DOCK4: variants seen among roughly 807,000 people sequenced by gnomAD.
DOCK4 encodes dedicator of cytokinesis protein 4.
DOCK4 carries 97 observed loss-of-function variants against 268.1 expected under a neutral mutation model. The ratio of observed to expected loss-of-function variants is 0.36; its 90% CI spans 0.31 to 0.43. The LOEUF (loss-of-function observed/expected upper bound fraction) is 0.43, where lower values mean the gene tolerates loss of function less well. Ranked by LOEUF, DOCK4 falls within the 20% of genes least tolerant of loss-of-function variation. The pLI, the probability that DOCK4 is intolerant of heterozygous loss-of-function variation, is 1.00. For missense variants in DOCK4, 2,145 were observed against 2,455.7 expected, an observed-to-expected ratio of 0.87 and a Z score of 2.67; for synonymous variants, 954 against 887.2, an observed-to-expected ratio of 1.08 and a Z score of -1.34.
intron 27 of DOCK4, chr7:111,819,250 A>G (rs895172303): frequency 4.0e-4 from 61 of 152,174 alleles, no homozygotes; most frequent in African/African-American, 1.4e-3. Context: ...ATATGTATAA[A>G]GCTGTGACTT....
intron 5 of DOCK4, among the ~76,000 whole-genome samples, chr7:111,991,552 C>CTTTT (rs1799525154): frequency 6.6e-6 from 1 of 152,114 alleles, no homozygotes; most frequent in African/African-American, 2.4e-5. Context: ...AAGCGATGAG[C>CTTTT]TTTTATTTGC....
At chr7:111,797,062 T>C (rs1799945650) in intron 30 of DOCK4, among the ~76,000 whole-genome samples, 1 of 152,192 alleles carries the variant, frequency 6.6e-6, no homozygotes, top group African/African-American at 2.4e-5. Flanking sequence ...TCTAAATGGG[T>C]AATAAATTAT....
intron 35 of DOCK4, among the ~76,000 whole-genome samples, chr7:111,780,922 G>A (rs911938726): frequency 1.3e-5 from 2 of 152,032 alleles, no homozygotes; most frequent in African/African-American, 4.8e-5. Context: ...AAATTTTCTA[G>A]AAGGACTATT....
chr7:112,182,269 C>T (rs1236126166), intron 1 of DOCK4, among the ~76,000 whole-genome samples: 6 of 152,110 alleles, frequency 3.9e-5, no homozygotes, highest in Non-Finnish European at 8.8e-5. Flanking sequence ...TTTTCATATA[C>T]AATTTTTCAA....
At chr7:111,884,942 T>C (rs1169684673) in intron 16 of DOCK4, among the ~76,000 whole-genome samples, 1 of 152,212 alleles carries the variant, frequency 6.6e-6, no homozygotes, top group East Asian at 1.9e-4. Flanking sequence ...AGTTTCCTAA[T>C]ACTAGAACCA....
At chr7:111,834,796 CGATGATCCAAACTTGCCCT>C in intron 25 of DOCK4, 110 bp from the exon 26 acceptor site, 2 of 692,762 alleles carry the variant, frequency 2.9e-6, no homozygotes, top group Non-Finnish European at 4.4e-6. Flanking sequence ...AATGAAATCA[CGATGATCCAAACTTGCCCT>C]GTGAAGTCTT....
chr7:111,989,301 C>A (rs1237820285), intron 5 of DOCK4, 138 bp from the exon 6 acceptor site: 12 of 1,136,370 alleles, frequency 1.1e-5, no homozygotes, highest in South Asian at 3.0e-5. Context: ...CGTGAACAGA[C>A]AAACTGTTCG....
chr7:112,173,187 C>T (rs530394820), intron 1 of DOCK4, among the ~76,000 whole-genome samples: 1 of 152,260 alleles, frequency 6.6e-6, no homozygotes, highest in African/African-American at 2.4e-5. Context: ...GACATTTTAT[C>T]CAAACACCAG....
chr7:111,769,407 A>G (rs1338758858), intron 37 of DOCK4, 122 bp downstream of exon 37: 15 of 1,232,544 alleles, frequency 1.2e-5, no homozygotes, highest in Non-Finnish European at 1.7e-5. Flanking sequence ...TGTTTCTAAT[A>G]TACATTAAGA....
At chr7:111,932,441 T>C (rs1256787411) in intron 12 of DOCK4, among the ~76,000 whole-genome samples, 1 of 152,162 alleles carries the variant, frequency 6.6e-6, no homozygotes, top group Non-Finnish European at 1.5e-5. Flanking sequence ...CCAACTCTTC[T>C]ATTCACAGTT....
chr7:112,020,548 A>G (rs940625733), intron 1 of DOCK4, among the ~76,000 whole-genome samples: 29 of 152,262 alleles, frequency 1.9e-4, no homozygotes, highest in Admixed American at 5.2e-4. Context: ...AATGTCAATC[A>G]TGTGTTGTAG....
At chr7:112,086,433 C>T (rs1396100872) in intron 1 of DOCK4, among the ~76,000 whole-genome samples, 1 of 151,960 alleles carries the variant, frequency 6.6e-6, no homozygotes, top group South Asian at 2.1e-4. Flanking sequence ...ACAGGAGAGT[C>T]AATGAAACAG....
At chr7:111,768,663 T>G (rs1475789715) in intron 37 of DOCK4, among the ~76,000 whole-genome samples, 1 of 152,184 alleles carries the variant, frequency 6.6e-6, no homozygotes, top group Non-Finnish European at 1.5e-5. Flanking sequence ...AATTGCTTTA[T>G]GAAGTCAGTG....
intron 16 of DOCK4, among the ~76,000 whole-genome samples, chr7:111,892,392 G>A (rs1332491948): frequency 1.3e-5 from 2 of 152,194 alleles, no homozygotes; most frequent in Non-Finnish European, 2.9e-5. Flanking sequence ...AGTAGAGACA[G>A]GGTTTCACCA....
chr7:111,896,399 A>G (rs1808750555), intron 15 of DOCK4, among the ~76,000 whole-genome samples: 2 of 152,006 alleles, frequency 1.3e-5, no homozygotes, highest in Admixed American at 6.6e-5. Flanking sequence ...ATCATTAGTA[A>G]TTATTTATAG....
At chr7:112,157,780 G>A (rs1028398404) in intron 1 of DOCK4, among the ~76,000 whole-genome samples, 7 of 152,150 alleles carry the variant, frequency 4.6e-5, no homozygotes, top group Admixed American at 3.3e-4. Flanking sequence ...AAGCACAGGA[G>A]GAGTTCTTGG....
chr7:112,057,381 T>C (rs1294466372), intron 1 of DOCK4, among the ~76,000 whole-genome samples: 2 of 151,794 alleles, frequency 1.3e-5, no homozygotes, highest in African/African-American at 4.8e-5. Flanking sequence ...CGAAACCCCA[T>C]CTCCACCAAA....
Position 111,982,420 on chromosome 7 carries a change from C to T in DOCK4, c.549+1886G>A, listed in dbSNP as rs190008211. Among the ~76,000 whole-genome samples, 244 of 152,278 alleles carry T rather than the reference C, an allele frequency of 1.6e-3. 3 individuals are homozygous for T. The highest frequency in any genetic ancestry group is 5.5e-3 in the African/African-American group (227 of 41,564). On this transcript the variant is annotated intron_variant, in intron 7 of 52. Coordinates refer to ENST00000428084, the MANE Select transcript of DOCK4 (RefSeq NM_001363540.2). The stretch of plus-strand genomic sequence containing the variant: ...GCATCAATTATTTTTACCCTGTTGG[C>T]TCTCCAACGTAGATGAATAAAGATA...
At chr7:112,075,124 G>A (rs1807942988) in intron 1 of DOCK4, among the ~76,000 whole-genome samples, 2 of 152,158 alleles carry the variant, frequency 1.3e-5, no homozygotes. Flanking sequence ...TATAATAAAT[G>A]TGGAAACACT....
Sources: allele counts gnomAD v4.1 joint callset (sites outside exome capture counted in the v4.1 genomes callset), GRCh38; gene constraint gnomAD v4.1.1; transcripts MANE v1.5; gene names NCBI Gene and HGNC (gene_info 2026-07-23, HGNC 2026-07-21).